The following MMP25 variants were observed in gnomAD, a reference collection of about 807,000 sequenced individuals.
MMP25 encodes matrix metallopeptidase 25.
Under a neutral mutation model 62.1 loss-of-function variants are expected in MMP25, and 68 were observed. That is an observed-to-expected ratio of 1.10 (90% confidence interval 0.90 to 1.34). MMP25 has a LOEUF of 1.34. Ranked by LOEUF, MMP25 falls within the 40% of genes most tolerant of loss-of-function variation. The probability of loss-of-function intolerance (pLI) is 0.00; values close to 1 mark genes in which losing one functional copy is unlikely to be tolerated. For synonymous variants in MMP25, 407 were observed against 345.6 expected, an observed-to-expected ratio of 1.18 and a Z score of -1.97; for missense variants, 942 against 792.5, an observed-to-expected ratio of 1.19 and a Z score of -2.26.
Position 3,058,901 on chromosome 16 carries a change from C to A in MMP25, c.1492C>A (p.Pro498Thr). The A allele has an allele frequency of 6.4e-7, 1 of 1,555,578 alleles. No homozygotes were observed. Among genetic ancestry groups the A allele is most frequent in the Admixed American group, 2.0e-5 (1 of 51,278 alleles). ...KNSIKTEPDA[P>T]QPMGPNWLDC... is the part of the protein sequence containing the mutation. Reference sequence around the variant, plus strand: ...CAGCATCAAGACCGAGCCGGACGCCCCCCAGCCCATGGGGCCCAACTGGCT... The same window carrying A: ...CAGCATCAAGACCGAGCCGGACGCCACCCAGCCCATGGGGCCCAACTGGCT... Residue 498 changes from proline (P) to threonine (T), a missense_variant, in exon 10 of 10, where the codon CCC (proline) becomes ACC (threonine). Transcript: ENST00000336577.
In MMP25 at chr16:3,049,822, G is replaced by T. The variant is rs146610762; in HGVS notation, c.233-187G>T. 4.7e-4 allele frequency among the ~76,000 whole-genome samples: 72 copies of T among 152,370 alleles called. 1 individual carries two copies. The East Asian group carries it at 0.013, about 27-fold the overall frequency. ...CGCCACTCCAAAGGGCAGTAGGAAT[G>T]GCTTGGTAGGAGCTGGCTTCCAGAG... On this transcript the variant is annotated intron_variant, in intron 2 of 9. Coordinates refer to ENST00000336577, the MANE Select transcript of MMP25 (RefSeq NM_022468.5).
rs755580283 is a variant in MMP25 at position 3,057,351 on chromosome 16, C to T, written c.880C>T (p.Pro294Ser). ...CCCATATGACAAGCCCACAAGGAAA[C>T]CCCTGGCTCCTCCGCCCCAGCCCCC... is the stretch of plus-strand genomic sequence containing the variant. ...QTPYDKPTRK[P>S]LAPPPQPPAS... Residue 294 changes from proline to serine, a missense_variant, in exon 6 of 10, where the codon CCC (proline) becomes TCC (serine). By Grantham distance (74) the Pro-to-Ser change is moderately conservative. Coordinates refer to ENST00000336577, the MANE Select transcript of MMP25 (RefSeq NM_022468.5). 1 of 1,613,826 alleles carries T rather than the reference C, an allele frequency of 6.2e-7. No homozygotes were observed. Among genetic ancestry groups the T allele is most frequent in the East Asian group, 2.2e-5 (1 of 44,882 alleles).
chr16:3,048,307 C>T (rs1307935818), intron 2 of MMP25, among the ~76,000 whole-genome samples: 1 of 152,194 alleles, frequency 6.6e-6, no homozygotes, highest in East Asian at 1.9e-4. Flanking sequence ...GACCCAGTCT[C>T]TAACCAAATA....
chr16:3,047,530 C>G lies in MMP25; in HGVS notation c.215C>G (p.Pro72Arg), dbSNP rs200601704. 49 of 1,613,224 alleles carry G rather than the reference C, an allele frequency of 3.0e-5. No homozygotes were observed. The highest frequency in any genetic ancestry group is 2.5e-4 in the Admixed American group (15 of 59,986). Residue 72 changes from proline to arginine, a missense_variant, in exon 2 of 10, where the codon CCG becomes CGG. By Grantham distance (103) the Pro-to-Arg change is moderately radical. Transcript: ENST00000336577. ...IKVMQRFAGL[P>R]ETGRMDPGTV... The stretch of plus-strand genomic sequence containing the variant: ...GTCATGCAGAGGTTCGCGGGGCTGC[C>G]GGAGACCGGCCGCATGGGTAGGTGG...
intron 4 of MMP25, 184 bp from the exon 5 acceptor site, chr16:3,056,849 G>A (rs1167759528): frequency 6.8e-6 from 4 of 585,238 alleles, no homozygotes; most frequent in Non-Finnish European, 1.2e-5. Context: ...TCACAGCCAT[G>A]CTGACTGAGT....
intron 4 of MMP25, chr16:3,055,042 C>T (rs1402176524): frequency 6.5e-6 from 1 of 153,196 alleles, no homozygotes; most frequent in African/African-American, 2.4e-5. Context: ...CCTGATGAAA[C>T]AGGAAACACA....
intron 7 of MMP25, 22 bp from the exon 8 acceptor site, chr16:3,058,159 C>A (rs201198566): frequency 6.2e-7 from 1 of 1,606,640 alleles, no homozygotes; most frequent in African/African-American, 1.4e-5. Context: ...TGCCTTCCTG[C>A]GAACCCCTTT....
intron 4 of MMP25, 99 bp downstream of exon 4, chr16:3,050,645 G>A: frequency 3.2e-6 from 4 of 1,267,886 alleles, no homozygotes; most frequent in Non-Finnish European, 3.2e-6. Flanking sequence ...ACAAGGTCTT[G>A]CTCTGTTGCT....
rs1596489652 is a variant in MMP25 at position 3,046,613 on chromosome 16, G to T, written c.-305G>T. ...GGAGGGGCCGCTGGCGCAGCGCCCC[G>T]GGACCCCGAGAGGCCGCCGCGGCAC... On this transcript the variant is annotated 5_prime_UTR_variant, in exon 1 of 10. Transcript: ENST00000336577. The T allele has an allele frequency of 8.6e-6, 1 of 116,458 alleles. No individual in the cohort carries two copies. The highest frequency in any genetic ancestry group is 3.0e-4 in the East Asian group (1 of 3,386). 7.2% of individuals were successfully genotyped at this position (116,458 alleles called of 1,614,324 possible). A position where few individuals can be genotyped will look rare whatever the true frequency, so the allele number is the denominator to read the frequency against.
chr16:3,055,705 T>C lies in MMP25; in HGVS notation c.662-1328T>C, dbSNP rs147881620. On this transcript the variant is annotated intron_variant, in intron 4 of 9. Coordinates refer to ENST00000336577, the MANE Select transcript of MMP25 (RefSeq NM_022468.5). ...TTTGCTTTTCAGTTCACCAGGTCGT[T>C]ACCTATGAACCTGCCCTGAACAGTG... The C allele has an allele frequency of 1.4e-4, 49 of 359,804 alleles. 1 individual carries two copies. In the East Asian group the frequency reaches 3.5e-3, roughly 26 times the overall value. 22.3% of individuals were successfully genotyped at this position (359,804 alleles called of 1,614,324 possible). A position where few individuals can be genotyped will look rare whatever the true frequency, so the allele number is the denominator to read the frequency against.
At chr16:3,057,004 C>T (rs749298394) in intron 4 of MMP25, 29 bp from the exon 5 acceptor site, 7 of 1,534,648 alleles carry the variant, frequency 4.6e-6, no homozygotes, top group Non-Finnish European at 2.6e-6. Flanking sequence ...GCAGGGGCGG[C>T]CGCAGCTCTC....
chr16:3,050,172 G>C (rs1336917129), intron 3 of MMP25, 28 bp downstream of exon 3: 1 of 1,587,194 alleles, frequency 6.3e-7, no homozygotes, highest in Non-Finnish European at 8.6e-7. Context: ...CCCGCACCCT[G>C]GCCCTGCCTG....
rs1472476506 is a variant in MMP25, at chr16:3,059,799, G to A, written c.*701G>A. On this transcript the variant is annotated 3_prime_UTR_variant, in exon 10 of 10. Coordinates refer to ENST00000336577, the MANE Select transcript of MMP25 (RefSeq NM_022468.5). ...CTGAGGACCCATGCGCCACGTCCTG[G>A]GTGGTGGAATCAGTGGCTGGAGGGA... The A allele has an allele frequency of 6.6e-6, 1 of 152,252 alleles. No individual in the cohort carries two copies. Among genetic ancestry groups the A allele is most frequent in the Non-Finnish European group, 1.5e-5 (1 of 68,116 alleles). 9.4% of individuals were successfully genotyped at this position (152,252 alleles called of 1,614,324 possible). A position where few individuals can be genotyped will look rare whatever the true frequency, so the allele number is the denominator to read the frequency against.
intron 2 of MMP25, 148 bp from the exon 3 acceptor site, chr16:3,049,861 G>T (rs776515247): frequency 2.3e-5 from 28 of 1,199,352 alleles, no homozygotes; most frequent in Non-Finnish European, 2.5e-5. Context: ...GACTGCCTGG[G>T]TTCAAACCTG....
In MMP25 at chr16:3,057,556, T is replaced by A; in HGVS notation, c.949T>A (p.Cys317Ser). 6.2e-7 allele frequency: 1 copy of A among 1,614,056 alleles called. No individual in the cohort carries two copies. The highest frequency in any genetic ancestry group is 2.2e-5 in the East Asian group (1 of 44,882). ...HSPSFPIPDR[C>S]EGNFDAIANI... ...CCCATCCTTCCCCATCCCTGATCGA[T>A]GTGAGGGCAATTTTGACGCCATCGC... The change falls in exon 7 of 10, where the codon TGT becomes AGT. Residue 317 changes from cysteine to serine, a missense_variant. Cys to Ser is a moderately radical substitution (Grantham distance 112). Transcript: ENST00000336577.
At chr16:3,047,939 A>C (rs59135752) in intron 2 of MMP25, among the ~76,000 whole-genome samples, 29,734 of 151,038 alleles carry the variant, frequency 0.2, 3,400 homozygotes, top group Non-Finnish European at 0.25. Context: ...TCCCAGGTTC[A>C]AGTGATTCTC....
At chr16:3,054,636 G>T (rs1471688937) in intron 4 of MMP25, 7 of 148,106 alleles carry the variant, frequency 4.7e-5, no homozygotes, top group Admixed American at 2.7e-4. Flanking sequence ...ATGGACAGAT[G>T]CATGCACAGA....
intron 4 of MMP25, chr16:3,053,539 C>G (rs890580481): frequency 1.3e-5 from 2 of 152,202 alleles, no homozygotes; most frequent in African/African-American, 2.4e-5. Context: ...TGCCCTGGGC[C>G]GCATACTGTG....
At chr16:3,049,336 C>A (rs1248849458) in intron 2 of MMP25, among the ~76,000 whole-genome samples, 2 of 152,202 alleles carry the variant, frequency 1.3e-5, no homozygotes, top group Non-Finnish European at 2.9e-5. Flanking sequence ...AAGGATCTGG[C>A]TCACTACAAG....
Sources: gnomAD v4.1 joint callset for allele counts (sites outside exome capture counted in the v4.1 genomes callset) on GRCh38, gnomAD v4.1.1 for gene constraint, MANE v1.5 for transcripts, NCBI Gene and HGNC (gene_info 2026-07-23, HGNC 2026-07-21) for gene names.